Variants in CAMSAP2 observed in about 807,000 individuals in gnomAD.
CAMSAP2 encodes calmodulin regulated spectrin associated protein family member 2.
CAMSAP2 carries 26 observed loss-of-function variants against 146.1 expected under a neutral mutation model. That is an observed-to-expected ratio of 0.18 (90% CI 0.13 to 0.25). The LOEUF is 0.25. CAMSAP2 is among the 10% of genes least tolerant of loss of function. The pLI, the probability that CAMSAP2 is intolerant of heterozygous loss-of-function variation, is 1.00. For missense variants in CAMSAP2, 1,381 were observed against 1,759.3 expected (o/e 0.78, Z 3.85); for synonymous variants, 499 against 596.6 (o/e 0.84, Z 2.38).
intron 11 of CAMSAP2, among the ~76,000 whole-genome samples, chr1:200,850,553 T>G (rs1667593634): frequency 6.6e-6 from 1 of 152,228 alleles, no homozygotes; most frequent in Admixed American, 6.5e-5. Flanking sequence ...TGTCTCTTAA[T>G]CATGTAACAC....
Position 200,761,538 on chromosome 1 carries a change from C to T in CAMSAP2, c.399+440C>T, listed in dbSNP as rs529302696. 1.8e-4 allele frequency among the ~76,000 whole-genome samples: 27 copies of T among 152,246 alleles called. 1 individual carries two copies. The highest frequency in any genetic ancestry group is 6.3e-4 in the African/African-American group (26 of 41,548). On this transcript the variant is annotated intron_variant, in intron 2 of 16. Transcript: ENST00000358823. Reference sequence around the variant, plus strand: ...ATCACCTGAGGTCAGGAGTTCAAGACCAGTCTTACCAACATGGAGAAACCC... The same window carrying T: ...ATCACCTGAGGTCAGGAGTTCAAGATCAGTCTTACCAACATGGAGAAACCC...
chr1:200,850,086 C>T lies in CAMSAP2; in HGVS notation c.3317C>T (p.Ala1106Val), dbSNP rs745708189. The change falls in exon 11 of 17, where the codon GCT (alanine) becomes GTT (valine). Residue 1106 changes from alanine (A) to valine (V), a missense_variant. By Grantham distance (64) the Ala-to-Val change is moderately conservative (BLOSUM62 0). Around this residue, in one of 4 missense-constraint regions of CAMSAP2, gnomAD observed 560 missense variants for 715.9 expected, o/e 0.78. Coordinates refer to ENST00000358823, the MANE Select transcript of CAMSAP2 (RefSeq NM_203459.4). Reference sequence around the variant, plus strand: ...CCTAAACCCGTTTTCCCACCCACTGCTCCAAAAAATGTTAATCTGATTGAA... The same window carrying T: ...CCTAAACCCGTTTTCCCACCCACTGTTCCAAAAAATGTTAATCTGATTGAA... ...PPPKPVFPPT[A>V]PKNVNLIEVS... is the part of the protein sequence containing the mutation. 1 of 1,613,858 alleles carries T rather than the reference C, an allele frequency of 6.2e-7. No individual in the cohort carries two copies. The highest frequency in any genetic ancestry group is 8.5e-7 in the Non-Finnish European group (1 of 1,179,924).
Position 200,781,737 on chromosome 1 carries a change from T to C in CAMSAP2, c.399+20639T>C, listed in dbSNP as rs1043351565. Among the ~76,000 whole-genome samples, 52 of 152,098 alleles carry C rather than the reference T, an allele frequency of 3.4e-4. 1 individual carries two copies. The highest frequency in any genetic ancestry group is 2.8e-3 in the Admixed American group (43 of 15,256). ...TTTTGTATTTTTTGTAGAGACAGGG[T>C]TTTGCCATGTTGCCCTGGCTGGTTT... On this transcript the variant is annotated intron_variant, in intron 2 of 16. Transcript: ENST00000358823.
At chr1:200,772,174 C>T (rs943623978) in intron 2 of CAMSAP2, among the ~76,000 whole-genome samples, 1 of 151,986 alleles carries the variant, frequency 6.6e-6, no homozygotes. Flanking sequence ...TACCTAGTTA[C>T]ACATGTATTA....
Position 200,849,318 on chromosome 1 carries a change from A to G in CAMSAP2, c.2549A>G (p.Lys850Arg). The G allele has an allele frequency of 4.3e-6, 7 of 1,614,108 alleles. No homozygotes were observed. The highest frequency in any genetic ancestry group is 5.1e-6 in the Non-Finnish European group (6 of 1,180,038). Reference sequence around the variant, plus strand: ...GAGAATCCTCAAGCCAAATGGCTAAAGTCTCCAACTACACCTATTGATCCT... The same window carrying G: ...GAGAATCCTCAAGCCAAATGGCTAAGGTCTCCAACTACACCTATTGATCCT... ...SMENPQAKWL[K>R]SPTTPIDPEK... The change falls in exon 11 of 17, where the codon AAG becomes AGG. Residue 850 changes from lysine (K) to arginine (R), a missense_variant. By Grantham distance (26) the Lys-to-Arg change is conservative. This residue lies in a region of CAMSAP2 where 560 missense variants were observed against 715.9 expected (regional missense o/e 0.78). Transcript: ENST00000358823. The surrounding 1 kb of genome is among the most constrained non-coding windows in gnomAD (Gnocchi z 6.3).
intron 2 of CAMSAP2, among the ~76,000 whole-genome samples, chr1:200,806,139 G>A (rs948858153): frequency 2.0e-5 from 3 of 152,114 alleles, no homozygotes; most frequent in Non-Finnish European, 4.4e-5. Context: ...GCAACAAAAG[G>A]TACCCTAAAG....
chr1:200,809,858 C>T (rs1313360274), intron 3 of CAMSAP2, among the ~76,000 whole-genome samples: 2 of 152,164 alleles, frequency 1.3e-5, no homozygotes, highest in Non-Finnish European at 2.9e-5. Context: ...GTGAGAGCTT[C>T]CTGCTAAGTG....
chr1:200,784,046 T>A (rs1047354623), intron 2 of CAMSAP2, among the ~76,000 whole-genome samples: 4 of 152,072 alleles, frequency 2.6e-5, no homozygotes, highest in East Asian at 3.9e-4. Context: ...CCTTTTTTTT[T>A]AACAAGATTA....
intron 4 of CAMSAP2, among the ~76,000 whole-genome samples, chr1:200,816,643 CAT>C (rs1203561655): frequency 2.8e-5 from 4 of 142,036 alleles, no homozygotes; most frequent in African/African-American, 1.0e-4. Context: ...TATACACACA[CAT>C]ATATATGCAC....
chr1:200,817,006 C>A (rs533426625), intron 4 of CAMSAP2, among the ~76,000 whole-genome samples: 7 of 134,796 alleles, frequency 5.2e-5, no homozygotes, highest in Non-Finnish European at 1.0e-4. Context: ...ATATGTGTAC[C>A]CACATACACA....
chr1:200,834,151 C>G (rs902889724), intron 6 of CAMSAP2, among the ~76,000 whole-genome samples: 2 of 151,834 alleles, frequency 1.3e-5, no homozygotes, highest in African/African-American at 2.4e-5. Flanking sequence ...ATCACTGAGG[C>G]GAGGAGTTCG....
chr1:200,794,545 G>C (rs538380909), intron 2 of CAMSAP2, among the ~76,000 whole-genome samples: 45 of 152,306 alleles, frequency 3.0e-4, no homozygotes, highest in Non-Finnish European at 5.7e-4. Flanking sequence ...GGAGAAATAT[G>C]TAATCATGAG....
chr1:200,812,265 A>G (rs1473780522), intron 3 of CAMSAP2, among the ~76,000 whole-genome samples: 1 of 151,784 alleles, frequency 6.6e-6, no homozygotes, highest in East Asian at 1.9e-4. Context: ...TGTTTGACAA[A>G]GAGATTATAT....
intron 1 of CAMSAP2, among the ~76,000 whole-genome samples, chr1:200,745,922 A>G (rs73086635): frequency 0.1 from 15,765 of 152,242 alleles, 890 homozygotes; most frequent in Middle Eastern, 0.14. Context: ...CTTTATTTAT[A>G]TAGGTTCTTG....
chr1:200,798,103 T>G (rs1329937115), intron 2 of CAMSAP2, among the ~76,000 whole-genome samples: 1 of 148,674 alleles, frequency 6.7e-6, no homozygotes, highest in Non-Finnish European at 1.5e-5. Flanking sequence ...AGTCAGGTAG[T>G]GTGATGCCTC....
chr1:200,819,791 A>G (rs919662849), intron 4 of CAMSAP2, among the ~76,000 whole-genome samples: 4 of 152,208 alleles, frequency 2.6e-5, no homozygotes, highest in Non-Finnish European at 5.9e-5. Flanking sequence ...TTCTATATGT[A>G]TATTACTAGT....
rs1233978563 is a variant in CAMSAP2, at chr1:200,858,819, A to G, written c.*760A>G. ...CTGATTAAATCAGTGCTGTTTTTACACCACTTCTGGCCAACTCAGAATAAT... is the reference window on the plus strand; with the variant it reads ...CTGATTAAATCAGTGCTGTTTTTACGCCACTTCTGGCCAACTCAGAATAAT... On this transcript the variant is annotated 3_prime_UTR_variant, in exon 17 of 17. Coordinates refer to ENST00000358823, the MANE Select transcript of CAMSAP2 (RefSeq NM_203459.4). The G allele has an allele frequency of 6.6e-6, 1 of 152,602 alleles. No individual in the cohort carries two copies. The highest frequency in any genetic ancestry group is 6.5e-5 in the Admixed American group (1 of 15,268). 9.5% of individuals were successfully genotyped at this position (152,602 alleles called of 1,614,324 possible).
At chr1:200,806,069 AAAGCCATAAAGGAAAAC>A (rs1157657236) in intron 2 of CAMSAP2, among the ~76,000 whole-genome samples, 1 of 152,224 alleles carries the variant, frequency 6.6e-6, no homozygotes, top group Non-Finnish European at 1.5e-5. Context: ...TATCAACTCC[AAAGCCATAAAGGAAAAC>A]ACTGAGATTA....
In CAMSAP2 at chr1:200,849,467, C is replaced by T. The variant is rs762976677; in HGVS notation, c.2698C>T (p.Arg900Cys). 6.2e-6 allele frequency: 10 copies of T among 1,614,162 alleles called. No homozygotes were observed. Among genetic ancestry groups the T allele is most frequent in the South Asian group, 1.1e-5 (1 of 91,084 alleles). ...SLHFLQQEMQRLSLQQEMLMQ... is the reference protein window; with the variant it reads ...SLHFLQQEMQCLSLQQEMLMQ... ...GCATTTTCTACAACAAGAAATGCAACGCTTGTCACTTCAGCAGGAGATGTT... is the reference window on the plus strand; with the variant it reads ...GCATTTTCTACAACAAGAAATGCAATGCTTGTCACTTCAGCAGGAGATGTT... The change falls in exon 11 of 17, where the codon CGC (arginine) becomes TGC (cysteine). Residue 900 changes from arginine (R) to cysteine (C), a missense_variant. Around this residue, in one of 4 missense-constraint regions of CAMSAP2, gnomAD observed 560 missense variants for 715.9 expected, o/e 0.78. Transcript: ENST00000358823. This position sits in a 1 kb window ranked among gnomAD's most constrained non-coding sequence, Gnocchi z 6.3.
Sources: gnomAD v4.1 joint callset for allele counts (sites outside exome capture counted in the v4.1 genomes callset) on GRCh38, gnomAD v4.1.1 for gene constraint, gnomAD v4.1.1 regional missense constraint, Gnocchi (gnomAD v3.1) non-coding constraint, MANE v1.5 for transcripts, NCBI Gene and HGNC (gene_info 2026-07-23, HGNC 2026-07-21) for gene names.